GALNT13: variants seen among roughly 807,000 people sequenced by gnomAD.
The protein encoded by GALNT13 is UDP-GalNAc:polypeptide N-acetylgalactosaminyltransferase 13.
GALNT13 carries 28 observed loss-of-function variants against 64.2 expected under a neutral mutation model. The ratio of observed to expected loss-of-function variants is 0.44; its 90% CI spans 0.32 to 0.60. The LOEUF is 0.60. Ranked by LOEUF, GALNT13 falls within the 20% of genes least tolerant of loss-of-function variation. GALNT13 has a pLI of 0.05. For synonymous variants in GALNT13, 214 were observed against 224.6 expected (o/e 0.95, Z 0.42); for missense variants, 577 against 669.8 (o/e 0.86, Z 1.53).
chr2:153,881,187 G>A (rs1225625510), intron 1 of GALNT13, among the ~76,000 whole-genome samples: 1 of 152,148 alleles, frequency 6.6e-6, no homozygotes, highest in African/African-American at 2.4e-5. Flanking sequence ...AAGGAATGCC[G>A]TGTTATTTGA....
chr2:153,472,357 A>G, the GALNT13 span, among the ~76,000 whole-genome samples: 1 of 152,216 alleles, frequency 6.6e-6, no homozygotes, highest in Non-Finnish European at 1.5e-5. Flanking sequence ...TTATATTACT[A>G]TGAATTCTAG....
At chr2:153,255,979 C>G in the GALNT13 span, among the ~76,000 whole-genome samples, 2 of 152,056 alleles carry the variant, frequency 1.3e-5, no homozygotes, top group Admixed American at 1.3e-4. Context: ...ATCTTTGTGG[C>G]GTTCTCTGTA....
the GALNT13 span, among the ~76,000 whole-genome samples, chr2:153,614,096 T>C: frequency 8.6e-5 from 13 of 151,872 alleles, no homozygotes; most frequent in South Asian, 2.1e-4. Flanking sequence ...ATAAACTGAG[T>C]GGCTTCTAGG....
the GALNT13 span, among the ~76,000 whole-genome samples, chr2:153,811,849 G>A: frequency 2.6e-3 from 393 of 152,118 alleles, 3 homozygotes; most frequent in African/African-American, 8.9e-3. Context: ...TTCACACTAG[G>A]GTTCTCCAAA....
At chr2:153,196,579 C>T in the GALNT13 span, among the ~76,000 whole-genome samples, 1 of 152,066 alleles carries the variant, frequency 6.6e-6, no homozygotes, top group African/African-American at 2.4e-5. Flanking sequence ...CTGAGTCCTG[C>T]ACCTGGGAGG....
At chr2:153,466,708 A>G in the GALNT13 span, among the ~76,000 whole-genome samples, 1 of 152,086 alleles carries the variant, frequency 6.6e-6, no homozygotes, top group African/African-American at 2.4e-5. Context: ...TTGATAAGAC[A>G]CATTTTTCTC....
chr2:153,603,421 C>T, the GALNT13 span, among the ~76,000 whole-genome samples: 1 of 151,878 alleles, frequency 6.6e-6, no homozygotes, highest in Non-Finnish European at 1.5e-5. Context: ...TAGATTCATT[C>T]TGGAACAGAT....
the GALNT13 span, among the ~76,000 whole-genome samples, chr2:153,466,358 G>A: frequency 2.0e-5 from 3 of 151,818 alleles, no homozygotes; most frequent in African/African-American, 7.3e-5. Flanking sequence ...TATCCCTGAG[G>A]CCTTATTTAT....
At chr2:154,312,711 T>C (rs774232169) in intron 9 of GALNT13, among the ~76,000 whole-genome samples, 26 of 152,308 alleles carry the variant, frequency 1.7e-4, no homozygotes, top group Non-Finnish European at 2.4e-4. Context: ...CCCAGAAATA[T>C]TTGTTAAATG....
intron 3 of GALNT13, among the ~76,000 whole-genome samples, chr2:153,988,032 G>C (rs917180742): frequency 6.7e-6 from 1 of 148,900 alleles, no homozygotes; most frequent in Non-Finnish European, 1.5e-5. Flanking sequence ...ACAAATAATT[G>C]TATACATTTG....
the GALNT13 span, among the ~76,000 whole-genome samples, chr2:153,137,738 AG>A: frequency 6.6e-6 from 1 of 151,582 alleles, no homozygotes; most frequent in Non-Finnish European, 1.5e-5. Context: ...AAAAAAAAAA[AG>A]AGTTTCTATT....
the GALNT13 span, among the ~76,000 whole-genome samples, chr2:153,384,055 C>T: frequency 6.6e-6 from 1 of 151,950 alleles, no homozygotes; most frequent in African/African-American, 2.4e-5. Flanking sequence ...TAGCAAAAAC[C>T]CATTTTCTAT....
the GALNT13 span, among the ~76,000 whole-genome samples, chr2:153,693,244 T>C: frequency 2.0e-5 from 3 of 152,148 alleles, no homozygotes; most frequent in South Asian, 2.1e-4. Context: ...CAAGCCCCAA[T>C]GGTAGAATCA....
intron 9 of GALNT13, among the ~76,000 whole-genome samples, chr2:154,314,595 TCA>T (rs1694228714): frequency 1.3e-5 from 2 of 152,098 alleles, no homozygotes; most frequent in South Asian, 4.1e-4. Context: ...CTGCTTCCAC[TCA>T]CGGTGGAAGG....
At chr2:153,980,323 G>A (rs1694376744) in intron 3 of GALNT13, among the ~76,000 whole-genome samples, 1 of 152,086 alleles carries the variant, frequency 6.6e-6, no homozygotes, top group Non-Finnish European at 1.5e-5. Flanking sequence ...ATTACTAATT[G>A]CTATGTGAAA....
At position 154,396,061 on chromosome 2, in the gene GALNT13, C is replaced by T; in HGVS notation, c.1227C>T (p.Pro409=). The change falls in exon 10 of 13, where the codon CCC becomes CCT. Residue 409 remains proline (P), a synonymous_variant. Transcript: ENST00000392825. ...KTLRENLKCK[P]FSWYLENIYP... The stretch of plus-strand genomic sequence containing the variant: ...TAAGAGAAAATCTGAAGTGTAAGCC[C>T]TTTTCTTGGTACCTAGAAAACATCT... 6.2e-7 allele frequency: 1 copy of T among 1,611,212 alleles called. No individual in the cohort carries two copies. The highest frequency in any genetic ancestry group is 8.5e-7 in the Non-Finnish European group (1 of 1,178,302).
the GALNT13 span, among the ~76,000 whole-genome samples, chr2:153,643,181 A>G: frequency 6.6e-6 from 1 of 151,370 alleles, no homozygotes; most frequent in Non-Finnish European, 1.5e-5. Context: ...ATGGAATATA[A>G]CAATGTAATA....
chr2:153,630,944 G>A, the GALNT13 span, among the ~76,000 whole-genome samples: 1 of 150,052 alleles, frequency 6.7e-6, no homozygotes, highest in Non-Finnish European at 1.5e-5. Flanking sequence ...ATATCTCCTA[G>A]TGCTATGCCT....
intron 3 of GALNT13, among the ~76,000 whole-genome samples, chr2:154,099,656 G>T (rs72870382): frequency 6.6e-6 from 1 of 151,894 alleles, no homozygotes; most frequent in African/African-American, 2.4e-5. Flanking sequence ...TCCCAGCACC[G>T]GTCAGGCACG....
Sources: allele counts gnomAD v4.1 joint callset (sites outside exome capture counted in the v4.1 genomes callset), GRCh38; gene constraint gnomAD v4.1.1; transcripts MANE v1.5; gene names NCBI Gene and HGNC (gene_info 2026-07-23, HGNC 2026-07-21).